The following ABL1 variants were observed in gnomAD, a reference collection of about 807,000 sequenced individuals.
ABL1 encodes the protein ABL proto-oncogene 1, non-receptor tyrosine kinase, also known as tyrosine-protein kinase ABL1.
In ABL1, 11 loss-of-function variants were observed where a neutral mutation model predicts 94.7. The observed-to-expected ratio is 0.12, with a 90% CI of 0.07 to 0.19. ABL1 has a LOEUF of 0.19. ABL1 is among the 10% of genes least tolerant of loss of function. ABL1 has a pLI of 1.00. For missense variants in ABL1, 1,082 were observed against 1,489.4 expected (o/e 0.73, Z 4.50); for synonymous variants, 656 against 622.4 (o/e 1.05, Z -0.80).
chr9:130,774,770 C>T (rs1170054228), intron 1 of ABL1, among the ~76,000 whole-genome samples: 2 of 152,036 alleles, frequency 1.3e-5, no homozygotes, highest in Non-Finnish European at 2.9e-5. Context: ...CTCTTGAACC[C>T]AGGAGGTTGA....
At chr9:130,753,931 C>T (rs1033894346) in intron 1 of ABL1, among the ~76,000 whole-genome samples, 5 of 151,860 alleles carry the variant, frequency 3.3e-5, no homozygotes, top group Non-Finnish European at 4.4e-5. Context: ...TGTCGCTGGG[C>T]GCGGTGGCTC....
At chr9:130,822,085 G>A (rs1180731285) in intron 1 of ABL1, among the ~76,000 whole-genome samples, 1 of 152,074 alleles carries the variant, frequency 6.6e-6, no homozygotes, top group Non-Finnish European at 1.5e-5. Flanking sequence ...TGATCTGCCT[G>A]CCTCGGCCTC....
chr9:130,786,572 C>T (rs970334562), intron 1 of ABL1, among the ~76,000 whole-genome samples: 5 of 152,228 alleles, frequency 3.3e-5, no homozygotes, highest in Admixed American at 3.3e-4. Context: ...TCGGAATTTG[C>T]GGGCAGGGAA....
chr9:130,777,120 T>TA (rs1829669642), intron 1 of ABL1, among the ~76,000 whole-genome samples: 1 of 152,234 alleles, frequency 6.6e-6, no homozygotes, highest in Non-Finnish European at 1.5e-5. Flanking sequence ...GGATATGAGT[T>TA]ACGGTTTTTT....
At chr9:130,883,365 C>T (rs796954553) in intron 10 of ABL1, among the ~76,000 whole-genome samples, 6 of 152,170 alleles carry the variant, frequency 3.9e-5, no homozygotes, top group Admixed American at 2.6e-4. Context: ...GGCGTGGTAG[C>T]GGGTGCCTAT....
In ABL1 at chr9:130,872,347, C is replaced by A; in HGVS notation, c.907+134C>A. The A allele has an allele frequency of 1.3e-6, 1 of 771,218 alleles. No individual in the cohort carries two copies. Among genetic ancestry groups the A allele is most frequent in the Non-Finnish European group, 2.1e-6 (1 of 478,120 alleles). 47.8% of individuals were successfully genotyped at this position (771,218 alleles called of 1,614,324 possible). On this transcript the variant is annotated intron_variant, in intron 5 of 10. Coordinates refer to ENST00000318560, the MANE Select transcript of ABL1 (RefSeq NM_005157.6). This position sits in a 1 kb window ranked among gnomAD's most constrained non-coding sequence, Gnocchi z 5.0. Reference sequence around the variant, plus strand: ...TATTTGTGCTCTGCCGACGTTCAGCCGCGGGTAAAATGAGGCCTGTATGGG... The same window carrying A: ...TATTTGTGCTCTGCCGACGTTCAGCAGCGGGTAAAATGAGGCCTGTATGGG...
At chr9:130,717,453 C>T (rs1344725587) in intron 1 of ABL1, among the ~76,000 whole-genome samples, 2 of 152,058 alleles carry the variant, frequency 1.3e-5, no homozygotes, top group African/African-American at 2.4e-5. Context: ...CTTGTAATCC[C>T]AGCACTTTGG....
chr9:130,852,636 T>C (rs1830888913), intron 1 of ABL1, among the ~76,000 whole-genome samples: 1 of 152,202 alleles, frequency 6.6e-6, no homozygotes, highest in Non-Finnish European at 1.5e-5. Flanking sequence ...GTCTACACGT[T>C]GTCTTTATCA....
At chr9:130,779,945 A>C (rs1453155737) in intron 1 of ABL1, among the ~76,000 whole-genome samples, 1 of 152,078 alleles carries the variant, frequency 6.6e-6, no homozygotes, top group Non-Finnish European at 1.5e-5. Flanking sequence ...GGCACCATGG[A>C]TGCCTTTTAT....
chr9:130,745,862 G>GAGCCAGGCAA (rs1367615901), intron 1 of ABL1, among the ~76,000 whole-genome samples: 1 of 152,052 alleles, frequency 6.6e-6, no homozygotes, highest in Non-Finnish European at 1.5e-5. Context: ...TAAATAAAGT[G>GAGCCAGGCAA]GACCTGGAAA....
intron 1 of ABL1, among the ~76,000 whole-genome samples, chr9:130,755,348 A>G (rs1832029420): frequency 6.6e-6 from 1 of 152,134 alleles, no homozygotes; most frequent in Non-Finnish European, 1.5e-5. Context: ...GCGACTAGAA[A>G]TGGGGGTGAC....
chr9:130,770,190 T>G (rs980799289), intron 1 of ABL1, among the ~76,000 whole-genome samples: 3 of 152,050 alleles, frequency 2.0e-5, no homozygotes, highest in Non-Finnish European at 2.9e-5. Context: ...TCTCTCTTTT[T>G]TTTTTAAACC....
rs1291259680 is a variant in ABL1 at position 130,885,004 on chromosome 9, C to G, written c.2714C>G (p.Ala905Gly). The G allele has an allele frequency of 1.2e-6, 2 of 1,611,752 alleles. No individual in the cohort carries two copies. ...LKPAPPPPPA[A>G]SAGKAGGKPS... ...CCTGCCCCGCCGCCCCCACCAGCAG[C>G]CTCTGCAGGGAAGGCTGGAGGAAAG... is the stretch of plus-strand genomic sequence containing the variant. The change falls in exon 11 of 11, where the codon GCC becomes GGC. Residue 905 changes from alanine (A) to glycine (G), a missense_variant. Physicochemically the swap from Ala to Gly is moderately conservative, Grantham distance 60. Coordinates refer to ENST00000318560, the MANE Select transcript of ABL1 (RefSeq NM_005157.6).
At chr9:130,833,304 G>T (rs559596185), upstream of ABL1, among the ~76,000 whole-genome samples, 1 of 152,226 alleles carries the variant, frequency 6.6e-6, no homozygotes, top group East Asian at 1.9e-4. Context: ...TCTGATCCAA[G>T]GCCCCTGAAC....
At chr9:130,759,447 AT>A (rs1472366321) in intron 1 of ABL1, among the ~76,000 whole-genome samples, 2 of 152,180 alleles carry the variant, frequency 1.3e-5, no homozygotes, top group Admixed American at 1.3e-4. Context: ...TTTACAATCC[AT>A]TTTGACCTTG....
At chr9:130,749,386 G>A (rs1050719251) in intron 1 of ABL1, among the ~76,000 whole-genome samples, 3 of 152,246 alleles carry the variant, frequency 2.0e-5, no homozygotes, top group South Asian at 4.1e-4. Context: ...TGTAAAGCCC[G>A]TTATTTAACC....
chr9:130,837,329 T>C (rs1830604109), intron 1 of ABL1, among the ~76,000 whole-genome samples: 1 of 152,190 alleles, frequency 6.6e-6, no homozygotes, highest in African/African-American at 2.4e-5. Flanking sequence ...TCATCTCCAC[T>C]TTGCAGATGG....
rs56049716 is a variant in ABL1 at position 130,885,071 on chromosome 9, C to T, written c.2781C>T (p.Val927=). ...SPSQEAAGEA[V]LGAKTKATSL... ...GCCAGGAGGCGGCCGGGGAGGCAGT[C>T]CTGGGCGCAAAGACAAAAGCCACGA... Residue 927 remains valine, a synonymous_variant, in exon 11 of 11, where the codon GTC becomes GTT. Coordinates refer to ENST00000318560, the MANE Select transcript of ABL1 (RefSeq NM_005157.6). The T allele has an allele frequency of 1.2e-6, 2 of 1,609,966 alleles. No individual in the cohort carries two copies. The highest frequency in any genetic ancestry group is 2.2e-5 in the South Asian group (2 of 90,840).
At chr9:130,768,921 A>T (rs913360439) in intron 1 of ABL1, among the ~76,000 whole-genome samples, 3 of 152,238 alleles carry the variant, frequency 2.0e-5, no homozygotes, top group Non-Finnish European at 4.4e-5. Context: ...AATGTGTTCA[A>T]TGGAAAAGCA....
Sources: allele counts gnomAD v4.1 joint callset (sites outside exome capture counted in the v4.1 genomes callset), GRCh38; gene constraint gnomAD v4.1.1; non-coding constraint Gnocchi (gnomAD v3.1); transcripts MANE v1.5; gene names NCBI Gene and HGNC (gene_info 2026-07-23, HGNC 2026-07-21).